The following CDON variants were observed in gnomAD, a reference collection of about 807,000 sequenced individuals.
The protein encoded by CDON is cell adhesion molecule-related/down-regulated by oncogenes.
In CDON, 73 loss-of-function variants were observed where a neutral mutation model predicts 120.9. That is an observed-to-expected ratio of 0.60 (90% CI 0.50 to 0.73). The LOEUF (loss-of-function observed/expected upper bound fraction) is 0.73, where lower values mean the gene tolerates loss of function less well. Ranked by LOEUF, CDON falls within the 30% of genes least tolerant of loss-of-function variation. The pLI, the probability that CDON is intolerant of heterozygous loss-of-function variation, is 0.00. For synonymous variants in CDON, 566 were observed against 573.5 expected, an observed-to-expected ratio of 0.99 and a Z score of 0.19; for missense variants, 1,470 against 1,587.3, an observed-to-expected ratio of 0.93 and a Z score of 1.26.
chr11:126,038,343 A>G (rs1948157921), intron 1 of CDON, among the ~76,000 whole-genome samples: 1 of 152,152 alleles, frequency 6.6e-6, no homozygotes, highest in Non-Finnish European at 1.5e-5. Context: ...ATGAAGACTC[A>G]GTATTTATCT....
rs1193124944 is a variant in CDON, at chr11:126,023,422, G to A, written c.55C>T (p.Leu19=). ...TTACCTGAACTCACAGAAGAGCACA[G>A]AATTGTAAGAGTAACATACAGCAGT... ...CTLLYVTLTI[L]CSSVSSDLAP... Residue 19 remains leucine (L), a synonymous_variant, in exon 2 of 20, where the codon CTG becomes TTG. Transcript: ENST00000531738. 1.2e-6 allele frequency: 2 copies of A among 1,611,988 alleles called. No individual in the cohort carries two copies. The highest frequency in any genetic ancestry group is 2.2e-5 in the South Asian group (2 of 91,032).
intron 15 of CDON, among the ~76,000 whole-genome samples, chr11:125,987,412 G>A (rs998765609): frequency 2.6e-5 from 4 of 152,138 alleles, no homozygotes; most frequent in South Asian, 4.1e-4. Flanking sequence ...AGATAAAACC[G>A]TCATTGTTCA....
At position 126,019,693 on chromosome 11, in the gene CDON, C is replaced by A; in HGVS notation, c.422G>T (p.Cys141Phe). Reference sequence around the variant, plus strand: ...TTTGGGGTTACTCTCCGGTACCCTGCAGCCAATGAAACCAGCACTTTTTTC... The same window carrying A: ...TTTGGGGTTACTCTCCGGTACCCTGAAGCCAATGAAACCAGCACTTTTTTC... The part of the protein sequence containing the change: ...AEEKSAGFIG[C>F]RVPESNPKAE... The change falls in exon 4 of 20, where the codon TGC (cysteine) becomes TTC (phenylalanine). Residue 141 changes from cysteine (C) to phenylalanine (F), a missense_variant. By Grantham distance (205) the Cys-to-Phe change is radical. Coordinates refer to ENST00000531738, the MANE Select transcript of CDON (RefSeq NM_001378964.1). 6.2e-7 allele frequency: 1 copy of A among 1,614,042 alleles called. No individual in the cohort carries two copies. Among genetic ancestry groups the A allele is most frequent in the Non-Finnish European group, 8.5e-7 (1 of 1,179,890 alleles).
intron 18 of CDON, among the ~76,000 whole-genome samples, chr11:125,973,988 C>T (rs1381125998): frequency 8.5e-5 from 13 of 152,106 alleles, no homozygotes; most frequent in African/African-American, 2.2e-4. Context: ...CTCTGCCTCC[C>T]GGGTTCAAGT....
At chr11:125,966,583 C>T (rs1437887290) in intron 18 of CDON, among the ~76,000 whole-genome samples, 1 of 152,096 alleles carries the variant, frequency 6.6e-6, no homozygotes, top group African/African-American at 2.4e-5. Context: ...TAAGAGTTTT[C>T]TAAACCTGAT....
At chr11:125,999,863 C>T (rs182606462) in intron 11 of CDON, among the ~76,000 whole-genome samples, 2 of 152,220 alleles carry the variant, frequency 1.3e-5, no homozygotes, top group Admixed American at 6.5e-5. Context: ...TCACACAAGG[C>T]ATTCCCCACA....
rs528487086 is a variant in CDON, at chr11:125,965,314, A to G, written c.3357-3316T>C. Reference sequence around the variant, plus strand: ...CAGAACAATTCTGATTGTTCCTGCTAAGAACAACTAAAAAAAATGGAGGAA... The same window carrying G: ...CAGAACAATTCTGATTGTTCCTGCTGAGAACAACTAAAAAAAATGGAGGAA... On this transcript the variant is annotated intron_variant, in intron 18 of 19. Coordinates refer to ENST00000531738, the MANE Select transcript of CDON (RefSeq NM_001378964.1). Among the ~76,000 whole-genome samples, 276 of 152,326 alleles carry G rather than the reference A, an allele frequency of 1.8e-3. 11 individuals carry two copies. The South Asian group carries it at 0.054, about 30-fold the overall frequency.
chr11:125,989,361 C>A (rs1014876710), intron 15 of CDON, among the ~76,000 whole-genome samples: 2 of 152,164 alleles, frequency 1.3e-5, no homozygotes, highest in Admixed American at 6.5e-5. Flanking sequence ...CATGGTGAAA[C>A]CCCATCTCTA....
At chr11:125,981,965 A>ATTTCCTTTTTTTTTTTTTTTTTTTTTTT (rs1946318366) in intron 16 of CDON, among the ~76,000 whole-genome samples, 1 of 34,428 alleles carries the variant, frequency 2.9e-5, no homozygotes, top group African/African-American at 8.2e-5. Context: ...AAGTGATTCT[A>ATTTCCTTTTTTTTTTTTTTTTTTTTTTT]TTTTCTTTTT....
chr11:125,997,839 A>G (rs997884577), intron 11 of CDON, among the ~76,000 whole-genome samples: 3 of 152,180 alleles, frequency 2.0e-5, no homozygotes, highest in Non-Finnish European at 4.4e-5. Context: ...GCAATCTACT[A>G]ATTCTTATAC....
chr11:125,972,684 CAA>C (rs1310627435), intron 18 of CDON, among the ~76,000 whole-genome samples: 1 of 152,080 alleles, frequency 6.6e-6, no homozygotes, highest in Non-Finnish European at 1.5e-5. Context: ...CAAGGGTTGG[CAA>C]TGTTTCTTAA....
chr11:126,058,187 A>T (rs1265874379), intron 1 of CDON, among the ~76,000 whole-genome samples: 1 of 152,256 alleles, frequency 6.6e-6, no homozygotes, highest in Non-Finnish European at 1.5e-5. Context: ...GTTCAGTAAT[A>T]TAACCCATAT....
At chr11:125,979,573 A>C (rs1295054372) in intron 17 of CDON, among the ~76,000 whole-genome samples, 1 of 152,206 alleles carries the variant, frequency 6.6e-6, no homozygotes, top group African/African-American at 2.4e-5. Flanking sequence ...AATAATTTAG[A>C]ATCACAGATA....
At chr11:126,054,228 ACAATCCT>A (rs1948633556) in intron 1 of CDON, among the ~76,000 whole-genome samples, 1 of 152,230 alleles carries the variant, frequency 6.6e-6, no homozygotes. Context: ...GGCAAGAGAC[ACAATCCT>A]GAATATGTTT....
At chr11:126,033,326 G>T (rs1469654803) in intron 1 of CDON, among the ~76,000 whole-genome samples, 1 of 152,008 alleles carries the variant, frequency 6.6e-6, no homozygotes, top group Admixed American at 6.5e-5. Flanking sequence ...AGGAAGGTTG[G>T]GCAGGCAAGC....
chr11:126,005,014 C>G (rs1591376145), intron 9 of CDON, among the ~76,000 whole-genome samples: 1 of 152,092 alleles, frequency 6.6e-6, no homozygotes, highest in East Asian at 1.9e-4. Flanking sequence ...AAAAAGGCAA[C>G]TTGAAGCTGG....
intron 1 of CDON, among the ~76,000 whole-genome samples, chr11:126,025,401 G>A (rs890435403): frequency 6.6e-6 from 1 of 152,110 alleles, no homozygotes; most frequent in Non-Finnish European, 1.5e-5. Flanking sequence ...GTTCAGGGTA[G>A]AATGGGAAGA....
chr11:126,003,603 G>A (rs1202450585), intron 10 of CDON, among the ~76,000 whole-genome samples: 2 of 152,040 alleles, frequency 1.3e-5, no homozygotes, highest in African/African-American at 2.4e-5. Flanking sequence ...GGCGGATCAC[G>A]AGGTCAGGAG....
At chr11:126,009,656 T>C (rs1947234946) in intron 8 of CDON, among the ~76,000 whole-genome samples, 1 of 152,180 alleles carries the variant, frequency 6.6e-6, no homozygotes, top group Non-Finnish European at 1.5e-5. Context: ...GCCTTTGATG[T>C]TGGGCCTCTC....
Sources: allele counts gnomAD v4.1 joint callset (sites outside exome capture counted in the v4.1 genomes callset), GRCh38; gene constraint gnomAD v4.1.1; transcripts MANE v1.5; gene names NCBI Gene and HGNC (gene_info 2026-07-23, HGNC 2026-07-21).